The following KIAA0513 variants were observed in gnomAD, a reference collection of about 807,000 sequenced individuals.
KIAA0513 encodes the protein KIAA0513.
Under a neutral mutation model 56.5 loss-of-function variants are expected in KIAA0513, and 39 were observed. The ratio of observed to expected loss-of-function variants is 0.69; its 90% CI spans 0.53 to 0.90. The LOEUF (loss-of-function observed/expected upper bound fraction) is 0.90, where lower values mean the gene tolerates loss of function less well. Ranked by LOEUF, KIAA0513 falls within the 40% of genes least tolerant of loss-of-function variation. KIAA0513 has a pLI of 0.00. For missense variants in KIAA0513, 591 were observed against 535.2 expected, an observed-to-expected ratio of 1.10 and a Z score of -1.03; for synonymous variants, 268 against 215.6, an observed-to-expected ratio of 1.24 and a Z score of -2.13.
chr16:85,079,686 T>C (rs988014248), intron 8 of KIAA0513: 3 of 152,288 alleles, frequency 2.0e-5, no homozygotes, highest in African/African-American at 7.2e-5. Context: ...GGCTTCTTTA[T>C]GGGGTGAGAG....
intron 1 of KIAA0513, among the ~76,000 whole-genome samples, chr16:85,050,042 A>AG (rs1045173642): frequency 9.9e-5 from 15 of 152,098 alleles, no homozygotes; most frequent in Non-Finnish European, 1.2e-4. Context: ...TCACCCAGGG[A>AG]GGGCGCGCCT....
At chr16:85,034,192 A>G (rs921664590) in intron 1 of KIAA0513, among the ~76,000 whole-genome samples, 3 of 152,128 alleles carry the variant, frequency 2.0e-5, no homozygotes, top group African/African-American at 4.8e-5. Context: ...CAGCCTGGCC[A>G]ACATGGTGAA....
intron 1 of KIAA0513, among the ~76,000 whole-genome samples, chr16:85,033,863 G>A (rs969518899): frequency 6.6e-6 from 1 of 152,126 alleles, no homozygotes; most frequent in East Asian, 1.9e-4. Flanking sequence ...GTCGTAGTTT[G>A]TCTCTCCCTG....
intron 7 of KIAA0513, 53 bp downstream of exon 7, chr16:85,078,508 A>G: frequency 6.4e-7 from 1 of 1,566,536 alleles, no homozygotes; most frequent in South Asian, 1.1e-5. Flanking sequence ...CCCCTCAGCC[A>G]GCACACAAGC....
intron 1 of KIAA0513, among the ~76,000 whole-genome samples, chr16:85,053,080 G>A (rs1019520361): frequency 2.0e-5 from 3 of 151,956 alleles, no homozygotes; most frequent in African/African-American, 7.3e-5. Context: ...ATAGAAACAG[G>A]GTTTCACCAT....
In KIAA0513 at chr16:85,076,940, G is replaced by T. The variant is rs957248943; in HGVS notation, c.575-485G>T. On this transcript the variant is annotated intron_variant, in intron 5 of 12. Coordinates refer to ENST00000683363, the MANE Select transcript of KIAA0513 (RefSeq NM_001388359.1). The surrounding 1 kb of genome is among the most constrained non-coding windows in gnomAD (Gnocchi z 4.7). ...ATAGTGGGCACTGAGGCCCGTGGGGGTGCCTCATCCTGTGGGGGTGCCAGG... is the reference window on the plus strand; with the variant it reads ...ATAGTGGGCACTGAGGCCCGTGGGGTTGCCTCATCCTGTGGGGGTGCCAGG... Among the ~76,000 whole-genome samples, 13 of 152,164 alleles carry T rather than the reference G, an allele frequency of 8.5e-5. No individual in the cohort carries two copies.
At position 85,076,416 on chromosome 16, in the gene KIAA0513, G is replaced by A. The variant is rs569043893; in HGVS notation, c.574+502G>A. Among the ~76,000 whole-genome samples, 2 of 152,242 alleles carry A rather than the reference G, an allele frequency of 1.3e-5. No individual in the cohort carries two copies. Among genetic ancestry groups the A allele is most frequent in the East Asian group, 3.9e-4 (2 of 5,180 alleles). On this transcript the variant is annotated intron_variant, in intron 5 of 12. Coordinates refer to ENST00000683363, the MANE Select transcript of KIAA0513 (RefSeq NM_001388359.1). This position sits in a 1 kb window ranked among gnomAD's most constrained non-coding sequence, Gnocchi z 4.7. ...ATGCTGAGGCTAGGACATCTCTTCC[G>A]CCTCATTGCGTTGGCACTTTCTCGT...
At chr16:85,031,270 C>A (rs1215774470) in intron 1 of KIAA0513, among the ~76,000 whole-genome samples, 2 of 152,220 alleles carry the variant, frequency 1.3e-5, no homozygotes, top group East Asian at 1.9e-4. Context: ...CACTTGAGCC[C>A]AGGAGTTCAA....
chr16:85,065,398 G>T (rs554539182), intron 1 of KIAA0513, among the ~76,000 whole-genome samples: 1 of 152,294 alleles, frequency 6.6e-6, no homozygotes, highest in African/African-American at 2.4e-5. Flanking sequence ...TGCTGTCCTG[G>T]CCTGGAAAGT....
intron 1 of KIAA0513, among the ~76,000 whole-genome samples, chr16:85,053,431 A>G (rs2073282845): frequency 6.6e-6 from 1 of 152,188 alleles, no homozygotes; most frequent in Non-Finnish European, 1.5e-5. Context: ...ATGTTCCCAC[A>G]TTCTCTATCA....
intron 1 of KIAA0513, among the ~76,000 whole-genome samples, chr16:85,045,639 G>A (rs1478767906): frequency 6.6e-6 from 1 of 152,146 alleles, no homozygotes; most frequent in African/African-American, 2.4e-5. Flanking sequence ...ACAGGCGTGA[G>A]CCACCGCACC....
In KIAA0513 at chr16:85,078,939, C is replaced by A; in HGVS notation, c.838C>A (p.Pro280Thr). ...KRPRAVTAYS[P>T]EDEKKGEKIY... ...TCCTCCCACAGTGACCGCGTACAGC[C>A]CCGAGGACGAAAAGAAGGGGGAGAA... is the stretch of plus-strand genomic sequence containing the variant. The change falls in exon 8 of 13, where the codon CCC becomes ACC. Residue 280 changes from proline (P) to threonine (T), a missense_variant. Coordinates refer to ENST00000683363, the MANE Select transcript of KIAA0513 (RefSeq NM_001388359.1). 6.2e-7 allele frequency: 1 copy of A among 1,614,144 alleles called. No homozygotes were observed. The highest frequency in any genetic ancestry group is 1.3e-5 in the African/African-American group (1 of 75,022).
intron 1 of KIAA0513, among the ~76,000 whole-genome samples, chr16:85,033,281 A>G (rs1238131650): frequency 6.6e-6 from 1 of 152,008 alleles, no homozygotes; most frequent in Non-Finnish European, 1.5e-5. Flanking sequence ...AGCCCACAAC[A>G]TCTTTACCCC....
chr16:85,054,467 G>A (rs546708594), intron 1 of KIAA0513, among the ~76,000 whole-genome samples: 1 of 119,536 alleles, frequency 8.4e-6, no homozygotes, highest in East Asian at 2.5e-4. Context: ...GTCTCACTCT[G>A]TTGCCCAGGC....
intron 2 of KIAA0513, among the ~76,000 whole-genome samples, chr16:85,068,107 G>A (rs143598730): frequency 1.0e-3 from 159 of 152,012 alleles, no homozygotes; most frequent in Admixed American, 2.2e-3. Flanking sequence ...CACCGTACCC[G>A]GCTGAGCTCT....
At chr16:85,082,786 C>A (rs2073762050) in intron 10 of KIAA0513, among the ~76,000 whole-genome samples, 193 bp downstream of exon 10, 1 of 152,192 alleles carries the variant, frequency 6.6e-6, no homozygotes, top group Non-Finnish European at 1.5e-5. Flanking sequence ...GCAATGCGTC[C>A]CAGAACTGGG....
At chr16:85,084,347 G>A (rs1022822468) in intron 10 of KIAA0513, among the ~76,000 whole-genome samples, 3 of 150,902 alleles carry the variant, frequency 2.0e-5, no homozygotes, top group African/African-American at 7.3e-5. Flanking sequence ...CCAGGTTCAA[G>A]CGGTTCTCCT....
chr16:85,057,673 T>C (rs1359552916), intron 1 of KIAA0513, among the ~76,000 whole-genome samples: 1 of 152,158 alleles, frequency 6.6e-6, no homozygotes, highest in Non-Finnish European at 1.5e-5. Flanking sequence ...TCTTCAGTCC[T>C]GGGCCACGAG....
chr16:85,047,518 T>G (rs1166551718), intron 1 of KIAA0513, among the ~76,000 whole-genome samples: 1 of 151,446 alleles, frequency 6.6e-6, no homozygotes, highest in East Asian at 1.9e-4. Context: ...AGCCAGCGGG[T>G]TTTTCACCCT....
Sources: gnomAD v4.1 joint callset for allele counts (sites outside exome capture counted in the v4.1 genomes callset) on GRCh38, gnomAD v4.1.1 for gene constraint, Gnocchi (gnomAD v3.1) non-coding constraint, MANE v1.5 for transcripts, NCBI Gene and HGNC (gene_info 2026-07-23, HGNC 2026-07-21) for gene names.